The following CFDP1 variants were observed in gnomAD, a reference collection of about 807,000 sequenced individuals.
The protein encoded by CFDP1 is chromatin remodeling protein CFDP1, also known as heterochromatin-stabilizing protein CFDP1.
In CFDP1, 31 loss-of-function variants were observed where a neutral mutation model predicts 40.1. The observed-to-expected ratio is 0.77, with a 90% CI of 0.58 to 1.04. The LOEUF (loss-of-function observed/expected upper bound fraction) is 1.04. CFDP1 is among the 50% of genes least tolerant of loss of function. The pLI, the probability that CFDP1 is intolerant of heterozygous loss-of-function variation, is 0.00. For missense variants in CFDP1, 423 were observed against 343.4 expected (o/e 1.23, Z -1.83); for synonymous variants, 167 against 120.0 (o/e 1.39, Z -2.56).
Position 75,389,041 on chromosome 16 carries a change from T to C in CFDP1, c.650+6049A>G, listed in dbSNP as rs1004932610. 2.0e-5 allele frequency among the ~76,000 whole-genome samples: 3 copies of C among 152,144 alleles called. No homozygotes were observed. The East Asian group carries it at 5.8e-4, about 29-fold the overall frequency. On this transcript the variant is annotated intron_variant, in intron 5 of 6. Coordinates refer to ENST00000283882, the MANE Select transcript of CFDP1 (RefSeq NM_006324.3). Reference sequence around the variant, plus strand: ...CATTCTCAATCTATAAAGAGGCAGCTAAACAGTAGGCCCTTAATTAAACAA... The same window carrying C: ...CATTCTCAATCTATAAAGAGGCAGCCAAACAGTAGGCCCTTAATTAAACAA...
intron 5 of CFDP1, among the ~76,000 whole-genome samples, chr16:75,355,818 A>G (rs1175894096): frequency 1.3e-5 from 2 of 152,214 alleles, no homozygotes; most frequent in Non-Finnish European, 2.9e-5. Flanking sequence ...CCATGACTGT[A>G]AGTTTCCTGA....
At chr16:75,374,178 T>A (rs4887822) in intron 5 of CFDP1, among the ~76,000 whole-genome samples, 79,435 of 151,642 alleles carry the variant, frequency 0.52, 21,731 homozygotes, top group Admixed American at 0.64. Flanking sequence ...ACTTGAACCC[T>A]GGAGGTGGAG....
At chr16:75,428,022 T>C (rs1181398858) in intron 1 of CFDP1, among the ~76,000 whole-genome samples, 4 of 152,172 alleles carry the variant, frequency 2.6e-5, no homozygotes, top group Non-Finnish European at 4.4e-5. Context: ...TAGATTATAT[T>C]CTGAAAAAGG....
In CFDP1 at chr16:75,422,396, CTT is replaced by C. The variant is rs765465924; in HGVS notation, c.65-7703_65-7702del. 9.7e-3 allele frequency among the ~76,000 whole-genome samples: 1,259 copies of C among 129,360 alleles called. 11 individuals carry two copies. The highest frequency in any genetic ancestry group is 0.037 in the African/African-American group (1,198 of 32,386). 84.9% of individuals were successfully genotyped at this position (129,360 alleles called of 152,430 possible). The stretch of plus-strand genomic sequence containing the variant: ...AGGCGTGAGCCACTGCGTATGGCCT[CTT>C]TTTTTTTTTTTTTTTTTTTGAGACA... On this transcript the variant is annotated intron_variant, in intron 1 of 6. Coordinates refer to ENST00000283882, the MANE Select transcript of CFDP1 (RefSeq NM_006324.3).
At chr16:75,357,040 A>G (rs1370053524) in intron 5 of CFDP1, among the ~76,000 whole-genome samples, 2 of 151,218 alleles carry the variant, frequency 1.3e-5, no homozygotes. Flanking sequence ...CAGCCTCCCA[A>G]GTGCTGGGAC....
At chr16:75,405,659 G>C (rs999704599) in intron 4 of CFDP1, among the ~76,000 whole-genome samples, 1 of 151,124 alleles carries the variant, frequency 6.6e-6, no homozygotes, top group African/African-American at 2.4e-5. Context: ...GCTGAGGCAG[G>C]AGAACTGCTT....
intron 5 of CFDP1, among the ~76,000 whole-genome samples, chr16:75,391,738 C>T (rs459442): frequency 1 from 151,281 of 151,952 alleles, 75,306 homozygotes; most frequent in East Asian, 1. Flanking sequence ...CTTTGGGAGG[C>T]TGAGGCAGGT....
At chr16:75,358,966 T>A (rs991582082) in intron 5 of CFDP1, among the ~76,000 whole-genome samples, 1 of 152,230 alleles carries the variant, frequency 6.6e-6, no homozygotes, top group African/African-American at 2.4e-5. Flanking sequence ...TGCATGCTGT[T>A]ACATCACTGT....
intron 5 of CFDP1, among the ~76,000 whole-genome samples, chr16:75,334,199 CACCCTAACCCTAACCCTA>C (rs371461725): frequency 2.0e-5 from 3 of 149,554 alleles, no homozygotes; most frequent in Non-Finnish European, 3.0e-5. Context: ...CTCCTCGCAG[CACCCTAACCCTAACCCTA>C]ACCCTAACCC....
At position 75,433,317 on chromosome 16, in the gene CFDP1, C is replaced by G. The variant is rs1415725186; in HGVS notation, c.36G>C (p.Ser12=). The G allele has an allele frequency of 3.7e-6, 6 of 1,601,980 alleles. No individual in the cohort carries two copies. The highest frequency in any genetic ancestry group is 5.1e-6 in the Non-Finnish European group (6 of 1,175,232). The change falls in exon 1 of 7, where the codon TCG becomes TCC. Residue 12 remains serine, a synonymous_variant. Coordinates refer to ENST00000283882, the MANE Select transcript of CFDP1 (RefSeq NM_006324.3). ...EEFDSEDFST[S]EEDEDYVPSG... ...ACGGCACGTAGTCCTCGTCCTCCTC[C>G]GACGTAGAGAAGTCTTCGGAGTCGA...
chr16:75,424,146 G>A (rs1215259010), intron 1 of CFDP1, among the ~76,000 whole-genome samples: 1 of 152,124 alleles, frequency 6.6e-6, no homozygotes. Flanking sequence ...AGGAACAGAG[G>A]GGAACTTATC....
intron 1 of CFDP1, among the ~76,000 whole-genome samples, chr16:75,425,390 C>CAAAAA (rs34282121): frequency 3.0e-5 from 3 of 99,030 alleles, no homozygotes; most frequent in African/African-American, 8.4e-5. Flanking sequence ...CCATCCCCCT[C>CAAAAA]AAAAAAAAAA....
rs1156624164 is a variant in CFDP1, at chr16:75,309,819, C to CAAAAA, written c.651-4642_651-4638dup. ...TGGGTGACAGAGTGAGACTCCATCTCAAAAAAAAAAAAAAAAAAAAAAAAA... is the reference window on the plus strand; with the variant it reads ...TGGGTGACAGAGTGAGACTCCATCTCAAAAAAAAAAAAAAAAAAAAAAAAAAAAAA... On this transcript the variant is annotated intron_variant, in intron 5 of 6. Coordinates refer to ENST00000283882, the MANE Select transcript of CFDP1 (RefSeq NM_006324.3). 5.5e-3 allele frequency among the ~76,000 whole-genome samples: 254 copies of CAAAAA among 46,426 alleles called. 28 individuals carry two copies. The highest frequency in any genetic ancestry group is 0.013 in the South Asian group (8 of 628). The allele number at this position is 46,426 out of a possible 152,430, so 30.5% of individuals were successfully genotyped here. A position where few individuals can be genotyped will look rare whatever the true frequency, so the allele number is the denominator to read the frequency against.
rs745867526 is a variant in CFDP1, at chr16:75,411,952, T to C, written c.403A>G (p.Lys135Glu). 15 of 1,587,766 alleles carry C rather than the reference T, an allele frequency of 9.4e-6. No homozygotes were observed. Among genetic ancestry groups the C allele is most frequent in the Non-Finnish European group, 1.3e-5 (15 of 1,173,708 alleles). The change falls in exon 4 of 7, where the codon AAA becomes GAA. Residue 135 changes from lysine to glutamate, a missense_variant and splice_region_variant. Physicochemically the swap from Lys to Glu is moderately conservative, Grantham distance 56 (BLOSUM62 1). Transcript: ENST00000283882. ...SKVPPSTQVK[K>E]GEETEETSSS... ...CTTGTCTCTTCAGTCTCCTCTCCTT[T>C]CTATAAAAAAAACAAGAAATGTAAT...
chr16:75,394,658 CTT>C (rs1162951313), intron 5 of CFDP1: 16,733 of 102,752 alleles, frequency 0.16, 1,483 homozygotes, highest in East Asian at 0.4. Context: ...ATTTTCTTCG[CTT>C]TTTTTTTTTT....
At chr16:75,423,536 A>G (rs1013143885) in intron 1 of CFDP1, among the ~76,000 whole-genome samples, 6 of 151,530 alleles carry the variant, frequency 4.0e-5, no homozygotes, top group Non-Finnish European at 5.9e-5. Flanking sequence ...GTTTTTTGAG[A>G]CGGAGTCTCA....
chr16:75,321,009 G>A (rs773792981), intron 5 of CFDP1, among the ~76,000 whole-genome samples: 23 of 152,122 alleles, frequency 1.5e-4, no homozygotes, highest in Non-Finnish European at 3.1e-4. Context: ...GGATCTTGCT[G>A]GTTTTGAACT....
chr16:75,433,193 C>G (rs537369771), intron 1 of CFDP1, 96 bp downstream of exon 1: 21 of 1,239,604 alleles, frequency 1.7e-5, no homozygotes, highest in African/African-American at 4.5e-5. Context: ...CCTGGACCAC[C>G]TGGGCCACAG....
At chr16:75,408,089 G>C (rs763677335) in intron 4 of CFDP1, among the ~76,000 whole-genome samples, 1 of 143,492 alleles carries the variant, frequency 7.0e-6, no homozygotes, top group Non-Finnish European at 1.5e-5. Flanking sequence ...GGGTGACAAA[G>C]AGAGACTCTG....
Sources: gnomAD v4.1 joint callset for allele counts (sites outside exome capture counted in the v4.1 genomes callset) on GRCh38, gnomAD v4.1.1 for gene constraint, MANE v1.5 for transcripts, NCBI Gene and HGNC (gene_info 2026-07-23, HGNC 2026-07-21) for gene names.